The following DSCAM variants were observed in gnomAD, a reference collection of about 807,000 sequenced individuals.
The protein encoded by DSCAM is DS cell adhesion molecule, also known as cell adhesion molecule DSCAM.
In DSCAM, 47 loss-of-function variants were observed where a neutral mutation model predicts 217.7. That is an observed-to-expected ratio of 0.22 (90% confidence interval 0.17 to 0.28). The LOEUF is 0.28. DSCAM is among the 10% of genes least tolerant of loss of function. The pLI is 1.00. For missense variants in DSCAM, 2,080 were observed against 2,618.3 expected (o/e 0.79, Z 4.49); for synonymous variants, 1,056 against 1,015.3 (o/e 1.04, Z -0.76).
intron 11 of DSCAM, among the ~76,000 whole-genome samples, chr21:40,262,748 A>G (rs79074249): frequency 8.7e-4 from 133 of 152,336 alleles, no homozygotes; most frequent in African/African-American, 3.1e-3. Flanking sequence ...GCTGGAGGGC[A>G]GTGATAGAAA....
chr21:40,211,797 T>C (rs980663784), intron 11 of DSCAM, among the ~76,000 whole-genome samples: 39 of 152,302 alleles, frequency 2.6e-4, no homozygotes, highest in African/African-American at 8.9e-4. Flanking sequence ...ATAGGCACTT[T>C]TATCCACACC....
rs963971839 is a variant in DSCAM, at chr21:40,035,393, C to G, written c.5686+6978G>C. Among the ~76,000 whole-genome samples the G allele has an allele frequency of 1.5e-3, 170 of 112,954 alleles. 8 individuals carry two copies. The highest frequency in any genetic ancestry group is 0.013 in the Middle Eastern group (3 of 236). The allele number at this position is 112,954 out of a possible 152,430, so 74.1% of individuals were successfully genotyped here. On this transcript the variant is annotated intron_variant, in intron 32 of 32. Transcript: ENST00000400454. ...GTCTCAGATAAAACAGACTTCAAAC[C>G]AACAAAGATCAAAAGAGACAAAGAA...
At chr21:40,142,333 G>A (rs964808706) in intron 18 of DSCAM, among the ~76,000 whole-genome samples, 16 of 152,326 alleles carry the variant, frequency 1.1e-4, no homozygotes, top group African/African-American at 3.8e-4. Context: ...TTTCCCAAGT[G>A]CCGCCCCCGC....
At chr21:40,568,522 A>G (rs994760257) in intron 3 of DSCAM, among the ~76,000 whole-genome samples, 1 of 152,178 alleles carries the variant, frequency 6.6e-6, no homozygotes, top group Non-Finnish European at 1.5e-5. Flanking sequence ...TAAGGTATTT[A>G]TATGTGGAGA....
At chr21:40,759,000 G>C (rs1350769780) in intron 1 of DSCAM, among the ~76,000 whole-genome samples, 1 of 152,180 alleles carries the variant, frequency 6.6e-6, no homozygotes, top group Non-Finnish European at 1.5e-5. Context: ...GTATGCTTGT[G>C]ACAATCCTTA....
At chr21:40,382,343 T>C (rs1601602063) in intron 3 of DSCAM, among the ~76,000 whole-genome samples, 1 of 152,282 alleles carries the variant, frequency 6.6e-6, no homozygotes, top group East Asian at 1.9e-4. Flanking sequence ...GTCCTATCAG[T>C]TCTATTTTCA....
At chr21:40,812,881 A>G (rs929896950) in intron 1 of DSCAM, among the ~76,000 whole-genome samples, 3 of 152,224 alleles carry the variant, frequency 2.0e-5, no homozygotes, top group Admixed American at 2.0e-4. Context: ...AGATTGTTTC[A>G]GTAAAGAGAT....
intron 27 of DSCAM, among the ~76,000 whole-genome samples, chr21:40,068,034 C>A (rs2089236684): frequency 6.6e-6 from 1 of 152,180 alleles, no homozygotes; most frequent in Non-Finnish European, 1.5e-5. Flanking sequence ...TCTAAAGCCG[C>A]TTGCTACTCC....
At chr21:40,397,086 C>G (rs2075185445) in intron 3 of DSCAM, among the ~76,000 whole-genome samples, 2 of 152,170 alleles carry the variant, frequency 1.3e-5, no homozygotes, top group Admixed American at 6.5e-5. Context: ...CCTATAAAAA[C>G]CCCAATTTTA....
At chr21:40,157,369 T>C (rs1029005) in intron 16 of DSCAM, among the ~76,000 whole-genome samples, 105,178 of 152,072 alleles carry the variant, frequency 0.69, 36,723 homozygotes, top group South Asian at 0.8. Context: ...AGGTAGAACT[T>C]ACTGGGTGTG....
At chr21:40,808,744 T>A (rs2091811232) in intron 1 of DSCAM, among the ~76,000 whole-genome samples, 1 of 152,076 alleles carries the variant, frequency 6.6e-6, no homozygotes, top group African/African-American at 2.4e-5. Context: ...TAAAGTGCTG[T>A]GATTACAGGC....
chr21:40,542,139 A>G (rs1403350612), intron 3 of DSCAM, among the ~76,000 whole-genome samples: 5 of 152,088 alleles, frequency 3.3e-5, no homozygotes, highest in African/African-American at 1.2e-4. Flanking sequence ...CATGTTCTCT[A>G]ACTGACTGAT....
chr21:40,256,434 GAGAGACAC>G (rs1038652290), intron 11 of DSCAM, among the ~76,000 whole-genome samples: 6 of 150,628 alleles, frequency 4.0e-5, no homozygotes, highest in African/African-American at 1.2e-4. Flanking sequence ...CAGAGAGAGA[GAGAGACAC>G]ACACAGACAG....
chr21:40,406,195 T>C (rs544129525), intron 3 of DSCAM, among the ~76,000 whole-genome samples: 12 of 152,276 alleles, frequency 7.9e-5, no homozygotes, highest in African/African-American at 7.2e-5. Flanking sequence ...CTATGAACTG[T>C]TGGTGGAGAA....
intron 3 of DSCAM, among the ~76,000 whole-genome samples, chr21:40,495,678 G>T (rs1458354670): frequency 6.6e-6 from 1 of 151,918 alleles, no homozygotes; most frequent in African/African-American, 2.4e-5. Flanking sequence ...AGTCCTAACT[G>T]GAGAAATTAG....
At chr21:40,550,971 G>C (rs762261042) in intron 3 of DSCAM, among the ~76,000 whole-genome samples, 3 of 152,220 alleles carry the variant, frequency 2.0e-5, no homozygotes, top group Non-Finnish European at 4.4e-5. Flanking sequence ...TTACAGTGTA[G>C]ATTACAGTCC....
intron 3 of DSCAM, among the ~76,000 whole-genome samples, chr21:40,673,460 TAAAC>T (rs1251775725): frequency 1.3e-5 from 2 of 152,212 alleles, no homozygotes; most frequent in Non-Finnish European, 2.9e-5. Flanking sequence ...CTCAAGGCCT[TAAAC>T]AACCTCAATT....
chr21:40,188,074 TCTC>T, intron 12 of DSCAM, 87 bp from the exon 13 acceptor site: 1 of 933,386 alleles, frequency 1.1e-6, no homozygotes. Flanking sequence ...CTCTTTCAGT[TCTC>T]CTGCCATGCC....
intron 3 of DSCAM, among the ~76,000 whole-genome samples, chr21:40,665,020 C>T (rs1601832878): frequency 6.6e-6 from 1 of 152,282 alleles, no homozygotes; most frequent in East Asian, 1.9e-4. Flanking sequence ...TGTGCGTGCT[C>T]CTGCTTCACC....
Sources: gnomAD v4.1 joint callset for allele counts (sites outside exome capture counted in the v4.1 genomes callset) on GRCh38, gnomAD v4.1.1 for gene constraint, MANE v1.5 for transcripts, NCBI Gene and HGNC (gene_info 2026-07-23, HGNC 2026-07-21) for gene names.